PDE3A: variants seen among roughly 807,000 people sequenced by gnomAD.
The protein encoded by PDE3A is cGMP-inhibited 3',5'-cyclic phosphodiesterase 3A.
A neutral mutation model predicts 98.3 loss-of-function variants in PDE3A; 43 were observed. The observed-to-expected ratio is 0.44, with a 90% CI of 0.34 to 0.56. The LOEUF (loss-of-function observed/expected upper bound fraction) is 0.56. PDE3A is among the 20% of genes least tolerant of loss of function. PDE3A has a pLI of 0.01. For missense variants in PDE3A, 1,427 were observed against 1,440.7 expected (o/e 0.99, Z 0.15); for synonymous variants, 663 against 567.9 (o/e 1.17, Z -2.38).
chr12:20,444,035 C>T (rs1272795021), intron 1 of PDE3A, among the ~76,000 whole-genome samples: 2 of 152,140 alleles, frequency 1.3e-5, no homozygotes, highest in Non-Finnish European at 1.5e-5. Context: ...AGTTAAGAGA[C>T]AAGAGAGCTC....
Position 20,386,144 on chromosome 12 carries a change from TATATATATAA to T in PDE3A, c.960+15918_960+15927del, listed in dbSNP as rs1565532629. 1.9e-4 allele frequency among the ~76,000 whole-genome samples: 5 copies of T among 26,504 alleles called. 1 individual carries two copies. The highest frequency in any genetic ancestry group is 2.8e-4 in the African/African-American group (2 of 7,244). 17.4% of individuals were successfully genotyped at this position (26,504 alleles called of 152,430 possible). A position where few individuals can be genotyped will look rare whatever the true frequency, so the allele number is the denominator to read the frequency against. The stretch of plus-strand genomic sequence containing the variant: ...ATAAATATATATAAATATATATAAA[TATATATATAA>T]ATATATATAAATATATAAAAATATA... On this transcript the variant is annotated intron_variant, in intron 1 of 15. Transcript: ENST00000359062.
At chr12:20,382,376 C>T (rs1218535229) in intron 1 of PDE3A, among the ~76,000 whole-genome samples, 1 of 151,890 alleles carries the variant, frequency 6.6e-6, no homozygotes, top group African/African-American at 2.4e-5. Flanking sequence ...TGGGGAAAAA[C>T]TATACACACG....
intron 1 of PDE3A, among the ~76,000 whole-genome samples, chr12:20,420,048 G>T (rs1207488168): frequency 6.6e-6 from 1 of 152,086 alleles, no homozygotes; most frequent in African/African-American, 2.4e-5. Context: ...TGTGGCATGG[G>T]ATAGTTTAGG....
chr12:20,486,636 A>G (rs1348733618), intron 1 of PDE3A, among the ~76,000 whole-genome samples: 1 of 152,016 alleles, frequency 6.6e-6, no homozygotes, highest in African/African-American at 2.4e-5. Flanking sequence ...ATTTTTGCTT[A>G]TTTGTTTGTT....
intron 9 of PDE3A, among the ~76,000 whole-genome samples, chr12:20,639,489 A>T (rs920973044): frequency 6.6e-6 from 1 of 152,134 alleles, no homozygotes; most frequent in African/African-American, 2.4e-5. Context: ...AACAAAAATC[A>T]TGAAATTTTC....
At chr12:20,591,501 A>C (rs1327507313) in intron 2 of PDE3A, among the ~76,000 whole-genome samples, 1 of 152,248 alleles carries the variant, frequency 6.6e-6, no homozygotes, top group African/African-American at 2.4e-5. Flanking sequence ...ACATTTTACA[A>C]GAAAGTAGCC....
rs556845774 is a variant in PDE3A, at chr12:20,499,705, A to G, written c.961-56955A>G. ...TTTCTTGTTATTTTATTGAAGTACA[A>G]TTTGTATGCACTAATGCACAAGTCT... On this transcript the variant is annotated intron_variant, in intron 1 of 15. Coordinates refer to ENST00000359062, the MANE Select transcript of PDE3A (RefSeq NM_000921.5). 2.6e-5 allele frequency among the ~76,000 whole-genome samples: 4 copies of G among 152,232 alleles called. 1 individual carries two copies. Among genetic ancestry groups the G allele is most frequent in the African/African-American group, 9.6e-5 (4 of 41,554 alleles).
At chr12:20,388,715 G>T (rs1180687190) in intron 1 of PDE3A, among the ~76,000 whole-genome samples, 1 of 151,974 alleles carries the variant, frequency 6.6e-6, no homozygotes, top group East Asian at 1.9e-4. Context: ...TTGTTTTCGT[G>T]TATCTGAGTT....
At chr12:20,673,572 A>T (rs371528304) in intron 15 of PDE3A, among the ~76,000 whole-genome samples, 9 of 150,322 alleles carry the variant, frequency 6.0e-5, no homozygotes, top group Admixed American at 4.0e-4. Context: ...AAATTGGAAA[A>T]CATCATTCTC....
At chr12:20,586,907 A>T (rs1428808182) in intron 2 of PDE3A, among the ~76,000 whole-genome samples, 2 of 108,768 alleles carry the variant, frequency 1.8e-5, no homozygotes, top group African/African-American at 6.3e-5. Flanking sequence ...TCTCATTCAG[A>T]TATGTATTTT....
At chr12:20,385,619 A>G (rs1167191298) in intron 1 of PDE3A, among the ~76,000 whole-genome samples, 1 of 151,858 alleles carries the variant, frequency 6.6e-6, no homozygotes, top group Non-Finnish European at 1.5e-5. Context: ...ATAAAAAATG[A>G]TGAGTTCATA....
chr12:20,584,484 T>C (rs1442310004), intron 2 of PDE3A, among the ~76,000 whole-genome samples: 1 of 152,192 alleles, frequency 6.6e-6, no homozygotes, highest in East Asian at 1.9e-4. Flanking sequence ...ACCTCCTTTT[T>C]ACCAGGACAG....
At chr12:20,479,272 T>C (rs1237771035) in intron 1 of PDE3A, among the ~76,000 whole-genome samples, 2 of 152,228 alleles carry the variant, frequency 1.3e-5, no homozygotes, top group African/African-American at 4.8e-5. Context: ...AAATGTAGTG[T>C]AGTCTACAAG....
rs559750080 is a variant in PDE3A at position 20,591,877 on chromosome 12, A to G, written c.1012-21566A>G. Among the ~76,000 whole-genome samples the G allele has an allele frequency of 3.9e-5, 6 of 152,334 alleles. No individual in the cohort carries two copies. In the South Asian group the frequency reaches 6.2e-4, roughly 16 times the overall value. On this transcript the variant is annotated intron_variant, in intron 2 of 15. Coordinates refer to ENST00000359062, the MANE Select transcript of PDE3A (RefSeq NM_000921.5). ...TCCAGTATTTTGTTTTCAAAGTAAG[A>G]AAGTCTACCTGGGCAAACACATCAG...
At position 20,613,398 on chromosome 12, in the gene PDE3A, A is replaced by AT. The variant is rs1165375400; in HGVS notation, c.1012-43dup. The AT allele has an allele frequency of 2.5e-6, 4 of 1,596,340 alleles. No homozygotes were observed. The African/African-American group carries it at 5.4e-5, about 21-fold the overall frequency. Reference sequence around the variant, plus strand: ...CCAAATTAATGCTTTGTGCCTTCAGATTCAGGCCTTTTCTTGCCTGATCTT... The same window carrying AT: ...CCAAATTAATGCTTTGTGCCTTCAGATTTCAGGCCTTTTCTTGCCTGATCTT... On this transcript the variant is annotated intron_variant, in intron 2 of 15. Transcript: ENST00000359062.
At chr12:20,486,683 G>C (rs918365346) in intron 1 of PDE3A, among the ~76,000 whole-genome samples, 1 of 152,138 alleles carries the variant, frequency 6.6e-6, no homozygotes, top group Non-Finnish European at 1.5e-5. Flanking sequence ...ACCTGTGCTG[G>C]AGTGCAGTGG....
chr12:20,479,711 A>T (rs1046373406), intron 1 of PDE3A, among the ~76,000 whole-genome samples: 1 of 152,166 alleles, frequency 6.6e-6, no homozygotes, highest in Non-Finnish European at 1.5e-5. Flanking sequence ...GTGATATTAC[A>T]CTGAGGACAC....
intron 2 of PDE3A, among the ~76,000 whole-genome samples, chr12:20,598,851 C>T (rs980296361): frequency 1.3e-5 from 2 of 152,164 alleles, no homozygotes; most frequent in African/African-American, 4.8e-5. Context: ...CTTCCTGGGA[C>T]ATTCATGCTG....
chr12:20,547,677 AT>A (rs1000141218), intron 1 of PDE3A, among the ~76,000 whole-genome samples: 6 of 151,998 alleles, frequency 3.9e-5, no homozygotes, highest in Admixed American at 1.3e-4. Context: ...ACAAATAATA[AT>A]TTTTTATTTC....
Sources: gnomAD v4.1 joint callset for allele counts (sites outside exome capture counted in the v4.1 genomes callset) on GRCh38, gnomAD v4.1.1 for gene constraint, MANE v1.5 for transcripts, NCBI Gene and HGNC (gene_info 2026-07-23, HGNC 2026-07-21) for gene names.